CRB1: variants seen among roughly 807,000 people sequenced by gnomAD.
CRB1 encodes crumbs cell polarity complex component 1.
A neutral mutation model predicts 120.0 loss-of-function variants in CRB1; 83 were observed. The observed-to-expected ratio is 0.69, with a 90% CI of 0.58 to 0.83. The LOEUF is 0.83. Ranked by LOEUF, CRB1 falls within the 40% of genes least tolerant of loss-of-function variation. The pLI is 0.00. For synonymous variants in CRB1, 625 were observed against 612.5 expected (o/e 1.02, Z -0.30); for missense variants, 1,699 against 1,687.6 (o/e 1.01, Z -0.12).
chr1:197,279,107 T>G (rs1428572048), intron 1 of CRB1, among the ~76,000 whole-genome samples: 1 of 151,926 alleles, frequency 6.6e-6, no homozygotes, highest in Non-Finnish European at 1.5e-5. Flanking sequence ...ATGAAAGTAG[T>G]TATATTTTGA....
chr1:197,373,088 A>G (rs564365964), intron 5 of CRB1, among the ~76,000 whole-genome samples: 4 of 152,256 alleles, frequency 2.6e-5, no homozygotes, highest in South Asian at 2.1e-4. Context: ...CTCCATGGCC[A>G]TGAAACTAGG....
At chr1:197,341,261 G>C (rs936277865) in intron 2 of CRB1, among the ~76,000 whole-genome samples, 15 of 152,136 alleles carry the variant, frequency 9.9e-5, no homozygotes, top group Admixed American at 9.8e-4. Context: ...GGATGATCTG[G>C]GCCAGACGCA....
intron 1 of CRB1, among the ~76,000 whole-genome samples, chr1:197,298,239 T>TAAG (rs1656655600): frequency 6.6e-6 from 1 of 152,118 alleles, no homozygotes; most frequent in Non-Finnish European, 1.5e-5. Flanking sequence ...AAAAGAATCT[T>TAAG]ATTCTGAGCA....
intron 1 of CRB1, among the ~76,000 whole-genome samples, chr1:197,286,442 T>C (rs1451543696): frequency 6.6e-6 from 1 of 151,938 alleles, no homozygotes; most frequent in African/African-American, 2.4e-5. Flanking sequence ...AAACTTCTTG[T>C]TATTCCCACT....
chr1:197,471,604 G>C (rs570200978), intron 11 of CRB1, among the ~76,000 whole-genome samples: 34 of 152,298 alleles, frequency 2.2e-4, no homozygotes, highest in South Asian at 8.3e-4. Context: ...GGTGGAAGGA[G>C]CATCTGGCTG....
the CRB1 span, among the ~76,000 whole-genome samples, chr1:197,203,129 T>A: frequency 6.6e-6 from 1 of 152,186 alleles, no homozygotes; most frequent in Non-Finnish European, 1.5e-5. Context: ...ATCATCTCAA[T>A]AGATGCAGAA....
intron 5 of CRB1, among the ~76,000 whole-genome samples, chr1:197,416,154 A>G (rs1036825448): frequency 6.6e-6 from 1 of 152,072 alleles, no homozygotes. Context: ...GTTTTTCACA[A>G]ATTTGTCTTA....
At position 197,322,998 on chromosome 1, in the gene CRB1, C is replaced by G. The variant is rs904970766; in HGVS notation, c.71-5424C>G. On this transcript the variant is annotated intron_variant, in intron 1 of 11. Coordinates refer to ENST00000367400, the MANE Select transcript of CRB1 (RefSeq NM_201253.3). ...TAAAATGGATGTAATACCTCCAATC[C>G]CATAATTTTTCTATAGGGGTTAAAT... 2.0e-5 allele frequency among the ~76,000 whole-genome samples: 3 copies of G among 151,826 alleles called. 1 individual carries two copies. The highest frequency in any genetic ancestry group is 7.2e-5 in the African/African-American group (3 of 41,388).
At chr1:197,217,486 G>T in the CRB1 span, among the ~76,000 whole-genome samples, 3 of 152,126 alleles carry the variant, frequency 2.0e-5, no homozygotes, top group African/African-American at 7.2e-5. Context: ...ATATTATTCA[G>T]CCATAAAAAG....
intron 1 of CRB1, among the ~76,000 whole-genome samples, chr1:197,292,647 T>A (rs1656260164): frequency 1.3e-5 from 2 of 152,128 alleles, no homozygotes; most frequent in Non-Finnish European, 2.9e-5. Flanking sequence ...TGAACATCGA[T>A]GAGAAAATCC....
At chr1:197,261,345 T>C in the CRB1 span, among the ~76,000 whole-genome samples, 25 of 152,322 alleles carry the variant, frequency 1.6e-4, no homozygotes, top group African/African-American at 5.8e-4. Flanking sequence ...ATAAAGTAAA[T>C]TGGAAACATT....
At chr1:197,230,337 G>A in the CRB1 span, among the ~76,000 whole-genome samples, 1 of 152,080 alleles carries the variant, frequency 6.6e-6, no homozygotes, top group African/African-American at 2.4e-5. Flanking sequence ...TTCTTGGATC[G>A]AAGTGTAAAT....
chr1:197,361,100 A>C (rs1249238385), intron 5 of CRB1, among the ~76,000 whole-genome samples: 1 of 152,210 alleles, frequency 6.6e-6, no homozygotes, highest in East Asian at 1.9e-4. Flanking sequence ...CATCTGAAAT[A>C]AATCCCACTT....
At chr1:197,327,091 CAAAAAAAAAA>C (rs71131753) in intron 1 of CRB1, among the ~76,000 whole-genome samples, 23 of 25,704 alleles carry the variant, frequency 8.9e-4, no homozygotes, top group African/African-American at 1.4e-3. Flanking sequence ...TCTCACACAC[CAAAAAAAAAA>C]AAAAAAAAAA....
At chr1:197,338,894 T>G (rs1214806660) in intron 2 of CRB1, among the ~76,000 whole-genome samples, 1 of 152,194 alleles carries the variant, frequency 6.6e-6, no homozygotes, top group Non-Finnish European at 1.5e-5. Flanking sequence ...ATTATTTGGT[T>G]AAGTTGTAAC....
intron 11 of CRB1, among the ~76,000 whole-genome samples, chr1:197,453,890 A>T (rs1193154418): frequency 1.5e-5 from 2 of 134,220 alleles, no homozygotes; most frequent in Admixed American, 8.1e-5. Context: ...TATATTATTA[A>T]TATTATTATA....
At chr1:197,346,991 A>C (rs1476453756) in intron 3 of CRB1, among the ~76,000 whole-genome samples, 1 of 152,180 alleles carries the variant, frequency 6.6e-6, no homozygotes, top group Non-Finnish European at 1.5e-5. Flanking sequence ...TTTAGTAGCA[A>C]CATATTTAGT....
intron 1 of CRB1, among the ~76,000 whole-genome samples, chr1:197,304,839 T>G (rs1222309539): frequency 6.6e-6 from 1 of 152,184 alleles, no homozygotes; most frequent in Non-Finnish European, 1.5e-5. Context: ...CATTCACCAG[T>G]GTTCATTCAC....
Position 197,435,519 on chromosome 1 carries a change from A to G in CRB1, c.3656A>G (p.Gln1219Arg), listed in dbSNP as rs1479225334. The G allele has an allele frequency of 6.2e-7, 1 of 1,612,578 alleles. No homozygotes were observed. Among genetic ancestry groups the G allele is most frequent in the Non-Finnish European group, 8.5e-7 (1 of 1,179,256 alleles). ...TGTGAAGTGGATATAGACAACTGCC[A>G]GAGTCACCAGTGTGCAAATGGAGCC... The part of the protein sequence containing the change: ...VNCEVDIDNC[Q>R]SHQCANGATC... The change falls in exon 9 of 12, where the codon CAG (glutamine) becomes CGG (arginine). Residue 1219 changes from glutamine (Q) to arginine (R), a missense_variant. Coordinates refer to ENST00000367400, the MANE Select transcript of CRB1 (RefSeq NM_201253.3).
Sources: allele counts gnomAD v4.1 joint callset (sites outside exome capture counted in the v4.1 genomes callset), GRCh38; gene constraint gnomAD v4.1.1; transcripts MANE v1.5; gene names NCBI Gene and HGNC (gene_info 2026-07-23, HGNC 2026-07-21).